TMEM132C: variants seen among roughly 807,000 people sequenced by gnomAD.
The protein encoded by TMEM132C is transmembrane protein 132C, also known as protein phosphatase 1, regulatory subunit 152.
A neutral mutation model predicts 61.4 loss-of-function variants in TMEM132C; 29 were observed. That is an observed-to-expected ratio of 0.47 (90% CI 0.35 to 0.64). The LOEUF is 0.64. TMEM132C is among the 30% of genes least tolerant of loss of function. TMEM132C has a pLI of 0.00. For missense variants in TMEM132C, 1,408 were observed against 1,476.9 expected, an observed-to-expected ratio of 0.95 and a Z score of 0.76; for synonymous variants, 656 against 633.1, an observed-to-expected ratio of 1.04 and a Z score of -0.54.
At chr12:128,406,809 G>A (rs571714322) in intron 1 of TMEM132C, among the ~76,000 whole-genome samples, 4 of 152,296 alleles carry the variant, frequency 2.6e-5, no homozygotes, top group African/African-American at 9.6e-5. Flanking sequence ...GGGAGGCAGG[G>A]AGTAGAGCAA....
intron 1 of TMEM132C, among the ~76,000 whole-genome samples, chr12:128,283,376 A>T (rs1342814696): frequency 1.3e-5 from 2 of 152,294 alleles, no homozygotes; most frequent in East Asian, 3.9e-4. Flanking sequence ...GTATTTAGAC[A>T]TCAAGATCCT....
rs1471585038 is a variant in TMEM132C at position 128,697,215 on chromosome 12, A to G, written c.1930-9A>G. The G allele has an allele frequency of 3.3e-6, 5 of 1,495,278 alleles. No individual in the cohort carries two copies. Among genetic ancestry groups the G allele is most frequent in the Non-Finnish European group, 4.5e-6 (5 of 1,111,128 alleles). 92.6% of individuals were successfully genotyped at this position (1,495,278 alleles called of 1,614,324 possible). On this transcript the variant is annotated splice_polypyrimidine_tract_variant and intron_variant, in intron 7 of 8. Transcript: ENST00000435159. ...GATGGATTTTCCTTGTGTCCTGCCAATCCCACAGGTGTTGTCTCCACTGTC... is the reference window on the plus strand; with the variant it reads ...GATGGATTTTCCTTGTGTCCTGCCAGTCCCACAGGTGTTGTCTCCACTGTC...
At chr12:128,572,004 T>C (rs4882786) in intron 3 of TMEM132C, among the ~76,000 whole-genome samples, 148,875 of 152,298 alleles carry the variant, frequency 0.98, 72,838 homozygotes, top group East Asian at 1. Flanking sequence ...CAATCATATG[T>C]CTCTGCTGGC....
intron 2 of TMEM132C, among the ~76,000 whole-genome samples, chr12:128,532,410 G>A (rs1175489837): frequency 4.0e-5 from 6 of 151,320 alleles, no homozygotes; most frequent in Non-Finnish European, 5.9e-5. Flanking sequence ...AGGCCAAAGC[G>A]GGTGGATCAC....
At chr12:128,333,777 T>C (rs965621557) in intron 1 of TMEM132C, among the ~76,000 whole-genome samples, 2 of 151,196 alleles carry the variant, frequency 1.3e-5, no homozygotes, top group Admixed American at 1.3e-4. Flanking sequence ...GTGGTATGTA[T>C]GGTGTATATA....
chr12:128,506,874 G>C (rs989397925), intron 2 of TMEM132C, among the ~76,000 whole-genome samples: 1 of 152,164 alleles, frequency 6.6e-6, no homozygotes, highest in Non-Finnish European at 1.5e-5. Flanking sequence ...AGTGCTGGAC[G>C]GTGTGACCAC....
rs188866356 is a variant in TMEM132C at position 128,614,939 on chromosome 12, G to A, written c.1122-1213G>A. ...GGTGGAAACACCACTGTCACCCCTC[G>A]GCATGATGATGTGAGGGCCTGGATG... On this transcript the variant is annotated intron_variant, in intron 3 of 8. Transcript: ENST00000435159. Among the ~76,000 whole-genome samples the A allele has an allele frequency of 1.3e-4, 20 of 152,246 alleles. No individual in the cohort carries two copies. The East Asian group carries it at 1.7e-3, about 13-fold the overall frequency.
chr12:128,531,361 G>GA (rs1381281027), intron 2 of TMEM132C, among the ~76,000 whole-genome samples: 1 of 152,148 alleles, frequency 6.6e-6, no homozygotes, highest in African/African-American at 2.4e-5. Context: ...AACAGAAGAT[G>GA]AAAAAGAGCG....
At chr12:128,553,563 A>G (rs879670278) in intron 3 of TMEM132C, among the ~76,000 whole-genome samples, 9 of 152,180 alleles carry the variant, frequency 5.9e-5, no homozygotes, top group African/African-American at 1.7e-4. Flanking sequence ...TAACTGATTA[A>G]GTGGATGGAC....
At chr12:128,271,092 A>G (rs1219033479) in intron 1 of TMEM132C, among the ~76,000 whole-genome samples, 1 of 151,856 alleles carries the variant, frequency 6.6e-6, no homozygotes, top group Non-Finnish European at 1.5e-5. Context: ...CATCTCTACT[A>G]AAAATACAAA....
At chr12:128,683,718 G>A (rs545657108) in intron 5 of TMEM132C, among the ~76,000 whole-genome samples, 12 of 152,308 alleles carry the variant, frequency 7.9e-5, no homozygotes, top group South Asian at 6.2e-4. Flanking sequence ...TGTAATCCTA[G>A]CACTTTGGGG....
intron 4 of TMEM132C, among the ~76,000 whole-genome samples, chr12:128,642,810 G>A (rs560139426): frequency 1.3e-5 from 2 of 152,318 alleles, no homozygotes; most frequent in East Asian, 3.9e-4. Context: ...GGCACAGAAC[G>A]GTTAAGTAAT....
intron 5 of TMEM132C, among the ~76,000 whole-genome samples, chr12:128,672,665 A>C (rs967777300): frequency 1.3e-5 from 2 of 152,228 alleles, no homozygotes; most frequent in African/African-American, 4.8e-5. Context: ...CTCAGTGTAC[A>C]TGAGCACAGT....
chr12:128,565,784 G>A (rs776478424), intron 3 of TMEM132C, among the ~76,000 whole-genome samples: 11 of 151,618 alleles, frequency 7.3e-5, no homozygotes, highest in Non-Finnish European at 1.5e-4. Flanking sequence ...ATCTATTTGG[G>A]GATCCCTTTT....
chr12:128,615,562 C>T (rs1056124317), intron 3 of TMEM132C, among the ~76,000 whole-genome samples: 4 of 152,144 alleles, frequency 2.6e-5, no homozygotes, highest in East Asian at 1.9e-4. Flanking sequence ...CCCTTACATG[C>T]GCAGTTCACA....
chr12:128,441,027 G>A (rs1435671683), intron 2 of TMEM132C, among the ~76,000 whole-genome samples: 1 of 152,182 alleles, frequency 6.6e-6, no homozygotes, highest in Admixed American at 6.5e-5. Context: ...GGCGACAAGA[G>A]CGAAACTCCA....
intron 1 of TMEM132C, among the ~76,000 whole-genome samples, chr12:128,301,395 C>A (rs917561246): frequency 6.6e-6 from 1 of 152,150 alleles, no homozygotes; most frequent in African/African-American, 2.4e-5. Flanking sequence ...AAACATTGTT[C>A]TTTTACTTGT....
At chr12:128,325,532 A>G (rs951003826) in intron 1 of TMEM132C, among the ~76,000 whole-genome samples, 2 of 152,186 alleles carry the variant, frequency 1.3e-5, no homozygotes, top group African/African-American at 2.4e-5. Context: ...ATGCACATGT[A>G]TGTATATATG....
chr12:128,683,402 G>T (rs947432922), intron 5 of TMEM132C, among the ~76,000 whole-genome samples: 1 of 152,018 alleles, frequency 6.6e-6, no homozygotes, highest in African/African-American at 2.4e-5. Context: ...ACCTTGTACT[G>T]CCCACCTTCT....
Sources: gnomAD v4.1 joint callset for allele counts (sites outside exome capture counted in the v4.1 genomes callset) on GRCh38, gnomAD v4.1.1 for gene constraint, MANE v1.5 for transcripts, NCBI Gene and HGNC (gene_info 2026-07-23, HGNC 2026-07-21) for gene names.